Variants in DYNC1LI1 observed in about 807,000 individuals in gnomAD.
The protein encoded by DYNC1LI1 is dynein cytoplasmic 1 light intermediate chain 1, also known as cytoplasmic dynein 1 light intermediate chain 1.
A neutral mutation model predicts 63.8 loss-of-function variants in DYNC1LI1; 19 were observed. The observed-to-expected ratio is 0.30, with a 90% confidence interval of 0.21 to 0.44. DYNC1LI1 has a LOEUF of 0.44. Ranked by LOEUF, DYNC1LI1 falls within the 20% of genes least tolerant of loss-of-function variation. The pLI, the probability that DYNC1LI1 is intolerant of heterozygous loss-of-function variation, is 1.00. For missense variants in DYNC1LI1, 565 were observed against 630.2 expected (o/e 0.90, Z 1.11); for synonymous variants, 225 against 232.3 (o/e 0.97, Z 0.28).
At chr3:32,566,104 T>G (rs1698255902) in intron 2 of DYNC1LI1, among the ~76,000 whole-genome samples, 1 of 151,988 alleles carries the variant, frequency 6.6e-6, no homozygotes, top group African/African-American at 2.4e-5. Context: ...AGACCTCATC[T>G]CTCCAAAAAG....
intron 11 of DYNC1LI1, 42 bp from the exon 12 acceptor site, chr3:32,528,643 A>C (rs772793996): frequency 6.5e-6 from 10 of 1,548,814 alleles, no homozygotes; most frequent in Non-Finnish European, 6.1e-6. Context: ...GCCAAAACAT[A>C]AGATTCTTCC....
intron 5 of DYNC1LI1, among the ~76,000 whole-genome samples, chr3:32,537,903 AT>A (rs1697798640): frequency 3.9e-5 from 2 of 51,882 alleles, no homozygotes; most frequent in Non-Finnish European, 7.2e-5. Flanking sequence ...TATATATAAT[AT>A]ATATATATAA....
chr3:32,533,873 C>T (rs1394278447), intron 7 of DYNC1LI1, among the ~76,000 whole-genome samples: 1 of 119,110 alleles, frequency 8.4e-6, no homozygotes, highest in African/African-American at 3.3e-5. Flanking sequence ...ATTCAGGTAA[C>T]TTTCTTTTTT....
intron 2 of DYNC1LI1, among the ~76,000 whole-genome samples, chr3:32,549,352 A>G (rs1330519556): frequency 6.6e-6 from 1 of 151,710 alleles, no homozygotes; most frequent in Non-Finnish European, 1.5e-5. Context: ...AATTTAAATC[A>G]CCATGTGAAG....
At chr3:32,569,488 A>G (rs572949582) in intron 2 of DYNC1LI1, among the ~76,000 whole-genome samples, 48 of 152,350 alleles carry the variant, frequency 3.2e-4, no homozygotes, top group Non-Finnish European at 5.7e-4. Context: ...TCTGGTATTG[A>G]GCCGACACCA....
intron 3 of DYNC1LI1, chr3:32,545,626 G>A: frequency 2.0e-6 from 1 of 494,874 alleles, no homozygotes. Context: ...TGGTAGGAAA[G>A]AAGTATCTGC....
chr3:32,554,243 C>A (rs1345807760), intron 2 of DYNC1LI1, among the ~76,000 whole-genome samples: 1 of 152,192 alleles, frequency 6.6e-6, no homozygotes, highest in Non-Finnish European at 1.5e-5. Context: ...GTAATTTTTT[C>A]TCTGCTAGAA....
intron 2 of DYNC1LI1, among the ~76,000 whole-genome samples, chr3:32,552,099 A>G (rs1228811146): frequency 6.6e-6 from 1 of 152,166 alleles, no homozygotes; most frequent in African/African-American, 2.4e-5. Context: ...CATAATTAAT[A>G]TAAGATTCCA....
intron 6 of DYNC1LI1, 86 bp from the exon 7 acceptor site, chr3:32,534,732 T>G: frequency 8.8e-7 from 1 of 1,131,034 alleles, no homozygotes; most frequent in Non-Finnish European, 1.2e-6. Context: ...AACTTTTATT[T>G]CTATGCATTT....
intron 12 of DYNC1LI1, among the ~76,000 whole-genome samples, chr3:32,527,616 T>C (rs77074480): frequency 0.021 from 3,197 of 152,092 alleles, 171 homozygotes; most frequent in East Asian, 0.21. Context: ...TTCAAAACCT[T>C]TGTTTAAACC....
rs935568721 is a variant in DYNC1LI1 at position 32,540,952 on chromosome 3, T to C, written c.738+85A>G. Reference sequence around the variant, plus strand: ...AAAAAATCATCTAGGAGAACTAATGTGTTAACTCCAAAAAACCTGGAAAAC... The same window carrying C: ...AAAAAATCATCTAGGAGAACTAATGCGTTAACTCCAAAAAACCTGGAAAAC... On this transcript the variant is annotated intron_variant, in intron 5 of 12. Transcript: ENST00000273130. 3 of 1,008,514 alleles carry C rather than the reference T, an allele frequency of 3.0e-6. No homozygotes were observed. The Admixed American group carries it at 8.0e-5, about 27-fold the overall frequency. 62.5% of individuals were successfully genotyped at this position (1,008,514 alleles called of 1,614,324 possible). A position where few individuals can be genotyped will look rare whatever the true frequency, so the allele number is the denominator to read the frequency against.
At chr3:32,562,592 G>C (rs1698208223) in intron 2 of DYNC1LI1, among the ~76,000 whole-genome samples, 1 of 152,178 alleles carries the variant, frequency 6.6e-6, no homozygotes, top group Non-Finnish European at 1.5e-5. Context: ...CTCCCAAAGT[G>C]CTAAGATTGC....
intron 2 of DYNC1LI1, among the ~76,000 whole-genome samples, chr3:32,563,899 T>C (rs1450671589): frequency 6.6e-6 from 1 of 152,260 alleles, no homozygotes; most frequent in African/African-American, 2.4e-5. Context: ...TCATCATTTG[T>C]TCAACAGATA....
chr3:32,536,929 C>CA (rs1202111510), intron 6 of DYNC1LI1, 82 bp downstream of exon 6: 60 of 735,950 alleles, frequency 8.2e-5, no homozygotes, highest in Non-Finnish European at 1.3e-4. Context: ...TTCTCAAGTC[C>CA]ATCAATTTAA....
chr3:32,552,293 T>C (rs1451300613), intron 2 of DYNC1LI1, among the ~76,000 whole-genome samples: 1 of 152,188 alleles, frequency 6.6e-6, no homozygotes, highest in East Asian at 1.9e-4. Flanking sequence ...CATTCATTCA[T>C]TTTAAAGACA....
intron 2 of DYNC1LI1, among the ~76,000 whole-genome samples, chr3:32,546,907 C>T (rs946378451): frequency 1.3e-5 from 2 of 152,082 alleles, no homozygotes; most frequent in Non-Finnish European, 2.9e-5. Flanking sequence ...CAGAAAATCA[C>T]GTGATTTAAA....
chr3:32,558,674 C>T (rs1698149478), intron 2 of DYNC1LI1, among the ~76,000 whole-genome samples: 1 of 151,840 alleles, frequency 6.6e-6, no homozygotes, highest in African/African-American at 2.4e-5. Context: ...GGAGAAATCC[C>T]GTCTCTACTA....
At chr3:32,530,685 C>G in intron 8 of DYNC1LI1, 165 bp from the exon 9 acceptor site, 1 of 604,834 alleles carries the variant, frequency 1.7e-6, no homozygotes, top group East Asian at 2.8e-5. Context: ...AGGCCTTCAG[C>G]AGAGGTGTCC....
intron 2 of DYNC1LI1, among the ~76,000 whole-genome samples, chr3:32,560,377 G>A (rs2125444627): frequency 6.6e-6 from 1 of 152,300 alleles, no homozygotes; most frequent in South Asian, 2.1e-4. Flanking sequence ...AGGTTGCAGT[G>A]AGCCGAGATC....
Sources: allele counts gnomAD v4.1 joint callset (sites outside exome capture counted in the v4.1 genomes callset), GRCh38; gene constraint gnomAD v4.1.1; transcripts MANE v1.5; gene names NCBI Gene and HGNC (gene_info 2026-07-23, HGNC 2026-07-21).